The following ANKRD13C variants were observed in gnomAD, a reference collection of about 807,000 sequenced individuals.
ANKRD13C encodes the protein ankyrin repeat domain-containing protein 13C.
Under a neutral mutation model 65.5 loss-of-function variants are expected in ANKRD13C, and 16 were observed. The ratio of observed to expected loss-of-function variants is 0.24; its 90% CI spans 0.17 to 0.37. The LOEUF is 0.37. Among genes scored for constraint, ANKRD13C ranks in the 10% least tolerant of loss-of-function variants. ANKRD13C has a pLI of 1.00. For missense variants in ANKRD13C, 503 were observed against 655.9 expected, an observed-to-expected ratio of 0.77 and a Z score of 2.55; for synonymous variants, 235 against 238.7, an observed-to-expected ratio of 0.98 and a Z score of 0.14.
Position 70,276,804 on chromosome 1 carries a change from G to A in ANKRD13C, c.1256C>T (p.Thr419Ile). 1 of 1,604,536 alleles carries A rather than the reference G, an allele frequency of 6.2e-7. No homozygotes were observed. The highest frequency in any genetic ancestry group is 8.5e-7 in the Non-Finnish European group (1 of 1,177,606). ...RQSLTPPPQNTITWEEYISAE... is the reference protein window; with the variant it reads ...RQSLTPPPQNIITWEEYISAE... ...AGATATATATTCTTCCCATGTAATA[G>A]TGTTCTGAGGAGGAGGTGTAAGAGA... The change falls in exon 10 of 13, where the codon ACT becomes ATT. Residue 419 changes from threonine (T) to isoleucine (I), a missense_variant. By Grantham distance (89) the Thr-to-Ile change is moderately conservative (BLOSUM62 -1). Coordinates refer to ENST00000370944, the MANE Select transcript of ANKRD13C (RefSeq NM_030816.5).
At position 70,354,710 on chromosome 1, in the gene ANKRD13C, C is replaced by T. The variant is rs1682926058; in HGVS notation, c.-302G>A. 1 of 733,792 alleles carries T rather than the reference C, an allele frequency of 1.4e-6. No homozygotes were observed. The highest frequency in any genetic ancestry group is 1.8e-5 in the African/African-American group (1 of 56,342). 45.5% of individuals were successfully genotyped at this position (733,792 alleles called of 1,614,324 possible). A position where few individuals can be genotyped will look rare whatever the true frequency, so the allele number is the denominator to read the frequency against. On this transcript the variant is annotated 5_prime_UTR_variant, in exon 1 of 13. Coordinates refer to ENST00000370944, the MANE Select transcript of ANKRD13C (RefSeq NM_030816.5). The stretch of plus-strand genomic sequence containing the variant: ...ACACCGAAAAACAGGGCACGGCCAT[C>T]TTCCTCTTGCTCCTCTCGCGAGAGC...
Position 70,336,110 on chromosome 1 carries a change from T to C in ANKRD13C, c.431-11A>G, listed in dbSNP as rs556988346. 1 of 689,610 alleles carries C rather than the reference T, an allele frequency of 1.5e-6. No homozygotes were observed. The highest frequency in any genetic ancestry group is 2.1e-6 in the Non-Finnish European group (1 of 486,400). The allele number at this position is 689,610 out of a possible 1,614,324, so 42.7% of individuals were successfully genotyped here. A position where few individuals can be genotyped will look rare whatever the true frequency, so the allele number is the denominator to read the frequency against. On this transcript the variant is annotated splice_polypyrimidine_tract_variant and intron_variant, in intron 1 of 12. Transcript: ENST00000370944. ...GTAAAGGAGTATTTCCTAAAAAAAA[T>C]AAAATAAAATAAATAAATTAGAAGG...
chr1:70,297,161 T>C (rs1331445974), intron 7 of ANKRD13C, among the ~76,000 whole-genome samples: 1 of 151,942 alleles, frequency 6.6e-6, no homozygotes, highest in African/African-American at 2.4e-5. Flanking sequence ...TGGAGAATAA[T>C]AACAGTCCCT....
intron 3 of ANKRD13C, among the ~76,000 whole-genome samples, chr1:70,319,872 T>C (rs1379090837): frequency 2.0e-5 from 3 of 147,396 alleles, no homozygotes; most frequent in Admixed American, 2.0e-4. Flanking sequence ...CTCCCTTAAG[T>C]AGGATGACTT....
At chr1:70,289,608 A>C (rs1183071539) in intron 9 of ANKRD13C, among the ~76,000 whole-genome samples, 1 of 150,878 alleles carries the variant, frequency 6.6e-6, no homozygotes, top group Non-Finnish European at 1.5e-5. Flanking sequence ...CTGGGACTAC[A>C]GGCGCCCGCC....
chr1:70,259,706 C>T lies in ANKRD13C; in HGVS notation c.*3011G>A. On this transcript the variant is annotated 3_prime_UTR_variant, in exon 13 of 13. Transcript: ENST00000370944. ...TATCTTTACAAGTGACTTAATACCT[C>T]CTGTCCATTTCTCTAGTGGGGGCAA... Among the ~76,000 whole-genome samples the T allele has an allele frequency of 6.6e-6, 1 of 152,172 alleles. No individual in the cohort carries two copies. The highest frequency in any genetic ancestry group is 1.9e-4 in the East Asian group (1 of 5,204).
intron 1 of ANKRD13C, among the ~76,000 whole-genome samples, chr1:70,352,608 G>C (rs1164328559): frequency 6.6e-6 from 1 of 152,108 alleles, no homozygotes; most frequent in African/African-American, 2.4e-5. Flanking sequence ...TGGCTACTAT[G>C]TAAACCAAAT....
chr1:70,310,303 A>T (rs1680795586), intron 5 of ANKRD13C, among the ~76,000 whole-genome samples: 1 of 152,224 alleles, frequency 6.6e-6, no homozygotes, highest in Admixed American at 6.5e-5. Context: ...TTGACAAGGG[A>T]AAGAAATATG....
intron 1 of ANKRD13C, among the ~76,000 whole-genome samples, chr1:70,339,135 G>A (rs1163517989): frequency 3.3e-5 from 5 of 151,466 alleles, no homozygotes; most frequent in Admixed American, 6.6e-5. Flanking sequence ...GCTTGAGTCC[G>A]GGTGGCAGAG....
chr1:70,289,059 A>G (rs906594089), intron 9 of ANKRD13C, among the ~76,000 whole-genome samples: 1 of 152,224 alleles, frequency 6.6e-6, no homozygotes, highest in African/African-American at 2.4e-5. Context: ...CACGTTTTTT[A>G]TCTTTTGTAG....
At position 70,313,777 on chromosome 1, in the gene ANKRD13C, TAA is replaced by T. The variant is rs1382230351; in HGVS notation, c.675_676del (p.Phe225LeufsTer25). On this transcript the variant is annotated frameshift_variant, in exon 5 of 13. Coordinates refer to ENST00000370944, the MANE Select transcript of ANKRD13C (RefSeq NM_030816.5). LOFTEE classifies it high-confidence loss of function. ...TTGAAAATCCCAGTGAAGTTCTAGA[TAA>T]AAGTCACCTAGCTGAAAAATGAAAT... 1.2e-6 allele frequency: 2 copies of T among 1,609,748 alleles called. No individual in the cohort carries two copies. Among genetic ancestry groups the T allele is most frequent in the Admixed American group, 3.3e-5 (2 of 59,928 alleles).
intron 1 of ANKRD13C, among the ~76,000 whole-genome samples, chr1:70,340,146 G>A (rs955764370): frequency 6.6e-6 from 1 of 151,948 alleles, no homozygotes; most frequent in African/African-American, 2.4e-5. Flanking sequence ...CACGGTGCCT[G>A]GTCTATTAAT....
intron 3 of ANKRD13C, among the ~76,000 whole-genome samples, chr1:70,321,688 C>T (rs1681316164): frequency 6.6e-6 from 1 of 152,080 alleles, no homozygotes; most frequent in African/African-American, 2.4e-5. Context: ...TAGTTGTATC[C>T]ATATCTCTAT....
chr1:70,323,043 C>A (rs1681378046), intron 3 of ANKRD13C, among the ~76,000 whole-genome samples: 1 of 151,922 alleles, frequency 6.6e-6, no homozygotes, highest in Admixed American at 6.6e-5. Context: ...TAGACAGAAA[C>A]CCAGAAGACA....
chr1:70,344,171 G>A (rs1428092710), intron 1 of ANKRD13C, among the ~76,000 whole-genome samples: 2 of 151,886 alleles, frequency 1.3e-5, no homozygotes, highest in Middle Eastern at 3.4e-3. Context: ...GGTGGCAGGC[G>A]CCTGTAGTCC....
chr1:70,309,726 A>T lies in ANKRD13C; in HGVS notation c.710-3436T>A, dbSNP rs10218474. Among the ~76,000 whole-genome samples, 967 of 142,156 alleles carry T rather than the reference A, an allele frequency of 6.8e-3. 7 individuals carry two copies. The highest frequency in any genetic ancestry group is 0.012 in the East Asian group (54 of 4,648). 93.3% of individuals were successfully genotyped at this position (142,156 alleles called of 152,430 possible). On this transcript the variant is annotated intron_variant, in intron 5 of 12. Transcript: ENST00000370944. ...GCCAGACTCCGTCGCAAAAAAAAAA[A>T]AAAAAAAATAATAATAATAATAATA...
In ANKRD13C at chr1:70,296,158, G is replaced by A. The variant is rs753511738; in HGVS notation, c.1025C>T (p.Thr342Ile). ...TKSISFTRAQ[T>I]GWLFREDKTE... ...TTTATCTTCCCGAAAAAGCCATCCT[G>A]TCTGGGCACGCGTGAAAGAAATTGA... The change falls in exon 8 of 13, where the codon ACA becomes ATA. Residue 342 changes from threonine to isoleucine, a missense_variant. By Grantham distance (89) the Thr-to-Ile change is moderately conservative. This residue lies in a region of ANKRD13C where 300 missense variants were observed against 478.3 expected (regional missense o/e 0.63). Transcript: ENST00000370944. 3 of 1,613,844 alleles carry A rather than the reference G, an allele frequency of 1.9e-6. No homozygotes were observed. Among genetic ancestry groups the A allele is most frequent in the Non-Finnish European group, 8.5e-7 (1 of 1,179,896 alleles).
chr1:70,306,191 T>G, intron 6 of ANKRD13C, 33 bp downstream of exon 6: 1 of 1,465,828 alleles, frequency 6.8e-7, no homozygotes, highest in South Asian at 1.4e-5. Context: ...ATCTCAACTT[T>G]CTTTTACTGA....
intron 2 of ANKRD13C, among the ~76,000 whole-genome samples, chr1:70,329,363 A>G (rs1681684734): frequency 1.3e-5 from 2 of 152,104 alleles, no homozygotes; most frequent in Non-Finnish European, 2.9e-5. Flanking sequence ...TTTACTAAAA[A>G]TACAAAAATT....
Sources: gnomAD v4.1 joint callset for allele counts (sites outside exome capture counted in the v4.1 genomes callset) on GRCh38, gnomAD v4.1.1 for gene constraint, gnomAD v4.1.1 regional missense constraint, MANE v1.5 for transcripts, NCBI Gene and HGNC (gene_info 2026-07-23, HGNC 2026-07-21) for gene names.